The following ZNG1B variants were observed in gnomAD, a reference collection of about 807,000 sequenced individuals.
ZNG1B encodes the protein zinc-regulated GTPase metalloprotein activator 1B.
chr2:113,475,651 T>C, the ZNG1B span, among the ~76,000 whole-genome samples: 8 of 152,178 alleles, frequency 5.3e-5, no homozygotes, highest in East Asian at 3.9e-4. Flanking sequence ...CCACGTTTAG[T>C]GCTTCCTTCA....
the ZNG1B span, chr2:113,453,321 C>T: frequency 1.2e-5 from 17 of 1,400,214 alleles, no homozygotes; most frequent in East Asian, 9.4e-5. Context: ...GGCATGATCT[C>T]GGCTCACTGC....
At chr2:113,440,130 C>A in the ZNG1B span, among the ~76,000 whole-genome samples, 1 of 151,676 alleles carries the variant, frequency 6.6e-6, no homozygotes. Context: ...GTGATCCGCC[C>A]GCCTCGGCCT....
the ZNG1B span, among the ~76,000 whole-genome samples, chr2:113,448,121 T>G: frequency 0.02 from 2,996 of 152,212 alleles, 79 homozygotes; most frequent in African/African-American, 0.068. Flanking sequence ...GCTATAGCCT[T>G]ATGAAATATA....
the ZNG1B span, chr2:113,462,574 G>T: frequency 6.7e-7 from 1 of 1,502,120 alleles, no homozygotes. Flanking sequence ...TTGTTGCCCT[G>T]TAGAAACTTA....
the ZNG1B span, among the ~76,000 whole-genome samples, chr2:113,475,940 A>C: frequency 6.6e-6 from 1 of 151,898 alleles, no homozygotes; most frequent in Admixed American, 6.6e-5. Flanking sequence ...CTTCATTTCA[A>C]CTTTGGTGAA....
the ZNG1B span, chr2:113,462,720 T>C: frequency 1.8e-6 from 1 of 555,990 alleles, no homozygotes; most frequent in East Asian, 3.0e-5. Context: ...TAGACTGATA[T>C]TCAGGGTCTT....
At chr2:113,485,251 A>G in the ZNG1B span, among the ~76,000 whole-genome samples, 1 of 137,314 alleles carries the variant, frequency 7.3e-6, no homozygotes. Flanking sequence ...TGAGAATCTT[A>G]TAGATGAGTA....
chr2:113,438,720 G>C, the ZNG1B span, among the ~76,000 whole-genome samples: 4 of 151,932 alleles, frequency 2.6e-5, no homozygotes, highest in Non-Finnish European at 5.9e-5. Context: ...TACTGGAAAA[G>C]TTTGAGAAAT....
At chr2:113,438,563 CG>C in the ZNG1B span, among the ~76,000 whole-genome samples, 2 of 151,868 alleles carry the variant, frequency 1.3e-5, no homozygotes, top group Non-Finnish European at 2.9e-5. Flanking sequence ...TAAACCACTG[CG>C]TAGGAAGTAA....
At chr2:113,456,131 T>C in the ZNG1B span, among the ~76,000 whole-genome samples, 3 of 151,678 alleles carry the variant, frequency 2.0e-5, no homozygotes, top group Admixed American at 2.0e-4. Flanking sequence ...CACTGGGCCT[T>C]CTCTCCCTCG....
chr2:113,460,368 T>TTATG, the ZNG1B span, among the ~76,000 whole-genome samples: 3 of 152,310 alleles, frequency 2.0e-5, no homozygotes, highest in Admixed American at 1.3e-4. Flanking sequence ...TTCTATGTTT[T>TTATG]TATGACGTTA....
At chr2:113,461,772 A>G in the ZNG1B span, among the ~76,000 whole-genome samples, 2 of 150,818 alleles carry the variant, frequency 1.3e-5, no homozygotes, top group East Asian at 2.0e-4. Flanking sequence ...AGTATAGCTT[A>G]TTTTTTTTAA....
At chr2:113,481,136 CCAA>C in the ZNG1B span, among the ~76,000 whole-genome samples, 1 of 139,402 alleles carries the variant, frequency 7.2e-6, no homozygotes, top group African/African-American at 2.7e-5. Flanking sequence ...CAGTCATTGT[CCAA>C]CAACATTAAA....
the ZNG1B span, among the ~76,000 whole-genome samples, chr2:113,440,301 G>GTT: frequency 6.6e-6 from 1 of 151,616 alleles, no homozygotes; most frequent in East Asian, 1.9e-4. Flanking sequence ...ATGTCTTAAA[G>GTT]TGTTTTTTTT....
the ZNG1B span, chr2:113,460,863 C>A: frequency 3.4e-5 from 44 of 1,292,962 alleles, no homozygotes; most frequent in Non-Finnish European, 4.4e-5. Context: ...TGAATTATTG[C>A]TATCTATTTA....
the ZNG1B span, chr2:113,481,992 T>C: frequency 1.1e-6 from 1 of 924,290 alleles, no homozygotes; most frequent in East Asian, 2.6e-5. Flanking sequence ...TTAAGAAATT[T>C]TAAAAAAACT....
the ZNG1B span, among the ~76,000 whole-genome samples, chr2:113,473,202 A>C: frequency 6.6e-6 from 1 of 151,956 alleles, no homozygotes; most frequent in Non-Finnish European, 1.5e-5. Context: ...GGTCCTTCAC[A>C]TCCCTTGTAA....
chr2:113,467,019 G>T, the ZNG1B span, among the ~76,000 whole-genome samples: 1 of 139,178 alleles, frequency 7.2e-6, no homozygotes, highest in Non-Finnish European at 1.5e-5. Context: ...AGCTGAGATC[G>T]CACCACTGCA....
the ZNG1B span, among the ~76,000 whole-genome samples, chr2:113,476,066 A>C: frequency 6.6e-6 from 1 of 151,682 alleles, no homozygotes; most frequent in East Asian, 1.9e-4. Context: ...GTTCTCCTGG[A>C]TAATATCCTG....
Sources: gnomAD v4.1 joint callset for allele counts (sites outside exome capture counted in the v4.1 genomes callset) on GRCh38, gnomAD v4.1.1 for gene constraint, MANE v1.5 for transcripts, NCBI Gene and HGNC (gene_info 2026-07-23, HGNC 2026-07-21) for gene names.